BLTP1: variants seen among roughly 807,000 people sequenced by gnomAD.
The protein encoded by BLTP1 is fragile site-associated protein.
the BLTP1 span, among the ~76,000 whole-genome samples, chr4:122,352,009 G>A: frequency 1.3e-5 from 2 of 152,166 alleles, no homozygotes; most frequent in Non-Finnish European, 2.9e-5. Context: ...CCCTGGAGAT[G>A]TTATTAAAAT....
At chr4:122,293,897 G>T in the BLTP1 span, among the ~76,000 whole-genome samples, 1 of 152,110 alleles carries the variant, frequency 6.6e-6, no homozygotes, top group Admixed American at 6.5e-5. Context: ...GGGAGTCCGG[G>T]CAGTCCAGAC....
At chr4:122,287,111 T>G in the BLTP1 span, among the ~76,000 whole-genome samples, 3 of 152,248 alleles carry the variant, frequency 2.0e-5, no homozygotes, top group Non-Finnish European at 4.4e-5. Context: ...TTACACGCAT[T>G]GACTTCTGCA....
At chr4:122,304,734 T>C in the BLTP1 span, 1 of 1,569,872 alleles carries the variant, frequency 6.4e-7, no homozygotes, top group East Asian at 2.3e-5. Context: ...AAAGACTACA[T>C]TTGAGTAGGT....
At chr4:122,166,756 G>A in the BLTP1 span, among the ~76,000 whole-genome samples, 4,146 of 152,206 alleles carry the variant, frequency 0.027, 196 homozygotes, top group African/African-American at 0.094. Flanking sequence ...TCCTTGAGCA[G>A]TGGTTTGTAG....
the BLTP1 span, chr4:122,200,347 G>A: frequency 2.3e-4 from 201 of 869,620 alleles, no homozygotes; most frequent in Non-Finnish European, 2.6e-4. Context: ...GGAGGCTGAG[G>A]CAGGCGGATC....
chr4:122,187,410 A>G, the BLTP1 span: 1 of 1,609,962 alleles, frequency 6.2e-7, no homozygotes, highest in Non-Finnish European at 8.5e-7. Context: ...TATTCATGTC[A>G]GTTTTATTTT....
At chr4:122,297,822 C>T in the BLTP1 span, among the ~76,000 whole-genome samples, 1 of 152,228 alleles carries the variant, frequency 6.6e-6, no homozygotes, top group African/African-American at 2.4e-5. Flanking sequence ...AAAGCAAACA[C>T]TGCATGTTCT....
the BLTP1 span, among the ~76,000 whole-genome samples, chr4:122,324,218 T>G: frequency 6.6e-6 from 1 of 152,030 alleles, no homozygotes; most frequent in African/African-American, 2.4e-5. Flanking sequence ...TCAGGTCAGC[T>G]GGTGGCTCCT....
chr4:122,246,704 G>GC, the BLTP1 span: 1 of 1,612,540 alleles, frequency 6.2e-7, no homozygotes, highest in Non-Finnish European at 8.5e-7. Context: ...TTTGTTACAA[G>GC]CCTCAGTGGA....
At chr4:122,286,703 C>T in the BLTP1 span, 29 of 1,613,734 alleles carry the variant, frequency 1.8e-5, no homozygotes, top group South Asian at 4.4e-5. Context: ...GATAGTTATT[C>T]GGATCAGGTG....
At chr4:122,226,983 C>A in the BLTP1 span, 1 of 637,628 alleles carries the variant, frequency 1.6e-6, no homozygotes, top group Non-Finnish European at 2.3e-6. Context: ...TAAATTCTTA[C>A]CCATTTTAGT....
At chr4:122,271,189 C>T in the BLTP1 span, 1 of 1,613,998 alleles carries the variant, frequency 6.2e-7, no homozygotes, top group Non-Finnish European at 8.5e-7. Context: ...TTCACTGCAA[C>T]TTTACTATTT....
the BLTP1 span, chr4:122,289,029 A>T: frequency 6.5e-7 from 1 of 1,541,832 alleles, no homozygotes; most frequent in Non-Finnish European, 8.8e-7. Context: ...GATTTATGTA[A>T]GAAAAAAGTG....
chr4:122,299,924 C>A, the BLTP1 span: 4 of 984,858 alleles, frequency 4.1e-6, no homozygotes, highest in Admixed American at 6.2e-5. Context: ...AGGAAAGGTA[C>A]AAGCGTACAG....
chr4:122,329,798 G>C, the BLTP1 span, among the ~76,000 whole-genome samples: 1 of 151,672 alleles, frequency 6.6e-6, no homozygotes, highest in Non-Finnish European at 1.5e-5. Context: ...CCATACAACA[G>C]TGTTATCTGT....
the BLTP1 span, among the ~76,000 whole-genome samples, chr4:122,272,975 T>G: frequency 6.6e-6 from 1 of 152,068 alleles, no homozygotes; most frequent in Non-Finnish European, 1.5e-5. Context: ...CAGATGCCAT[T>G]GATTGTAAAC....
chr4:122,184,982 A>T, the BLTP1 span: 1 of 984,276 alleles, frequency 1.0e-6, no homozygotes, highest in Non-Finnish European at 1.2e-6. Context: ...GGAAGAGTAT[A>T]TCATATAGTA....
the BLTP1 span, chr4:122,189,919 A>G: frequency 1.3e-6 from 2 of 1,510,098 alleles, no homozygotes; most frequent in Non-Finnish European, 8.9e-7. Flanking sequence ...CTTTTCACCT[A>G]TTGCCAGCAT....
the BLTP1 span, among the ~76,000 whole-genome samples, chr4:122,324,962 T>C: frequency 6.6e-6 from 1 of 152,000 alleles, no homozygotes; most frequent in Non-Finnish European, 1.5e-5. Flanking sequence ...TTACATTTTA[T>C]TGAAGTGAAT....
Sources: gnomAD v4.1 joint callset for allele counts (sites outside exome capture counted in the v4.1 genomes callset) on GRCh38, gnomAD v4.1.1 for gene constraint, MANE v1.5 for transcripts, NCBI Gene and HGNC (gene_info 2026-07-23, HGNC 2026-07-21) for gene names.